KIAA1217: variants seen among roughly 807,000 people sequenced by gnomAD.
KIAA1217 encodes the protein sickle tail protein homolog.
Under a neutral mutation model 163.9 loss-of-function variants are expected in KIAA1217, and 88 were observed. The observed-to-expected ratio is 0.54, with a 90% CI of 0.45 to 0.64. The LOEUF is 0.64. KIAA1217 is among the 30% of genes least tolerant of loss of function. The pLI is 0.00. For synonymous variants in KIAA1217, 903 were observed against 923.1 expected (o/e 0.98, Z 0.39); for missense variants, 2,372 against 2,475.0 (o/e 0.96, Z 0.88).
intron 3 of KIAA1217, among the ~76,000 whole-genome samples, chr10:24,418,132 T>A (rs888980907): frequency 6.6e-6 from 1 of 152,032 alleles, no homozygotes; most frequent in Non-Finnish European, 1.5e-5. Context: ...GCTTTTTTTT[T>A]ATTTTTTGTA....
intron 1 of KIAA1217, among the ~76,000 whole-genome samples, chr10:23,928,671 C>T (rs574263966): frequency 6.6e-6 from 1 of 152,248 alleles, no homozygotes; most frequent in Non-Finnish European, 1.5e-5. Context: ...GTGCTTACTA[C>T]GTGTCATGCC....
intron 1 of KIAA1217, among the ~76,000 whole-genome samples, chr10:23,823,573 T>G (rs1158631603): frequency 6.6e-6 from 1 of 152,144 alleles, no homozygotes; most frequent in Non-Finnish European, 1.5e-5. Flanking sequence ...AAGTCCCTCT[T>G]GCCATGTAAT....
At position 24,065,856 on chromosome 10, in the gene KIAA1217, T is replaced by A. The variant is rs1001255655; in HGVS notation, c.-171+58482T>A. Reference sequence around the variant, plus strand: ...TTGGGTGCATATATATTTAGGATAGTTAGCTCTTCTTGTTGAATTGATCCC... The same window carrying A: ...TTGGGTGCATATATATTTAGGATAGATAGCTCTTCTTGTTGAATTGATCCC... On this transcript the variant is annotated intron_variant, in intron 2 of 18. Transcript: ENST00000376462. Among the ~76,000 whole-genome samples the A allele has an allele frequency of 2.6e-5, 4 of 152,332 alleles. No individual in the cohort carries two copies. The East Asian group carries it at 7.7e-4, about 29-fold the overall frequency.
intron 2 of KIAA1217, among the ~76,000 whole-genome samples, chr10:24,350,173 A>G (rs1051822300): frequency 3.3e-5 from 5 of 152,244 alleles, no homozygotes; most frequent in African/African-American, 1.2e-4. Flanking sequence ...CTTGAGGCAT[A>G]GAAGCCTCAG....
chr10:24,480,003 C>T (rs1168558011), intron 6 of KIAA1217, among the ~76,000 whole-genome samples: 2 of 152,182 alleles, frequency 1.3e-5, no homozygotes, highest in Non-Finnish European at 2.9e-5. Flanking sequence ...TGGGGGATCA[C>T]ATTTCAACAT....
chr10:24,366,617 T>G (rs2050817400), intron 2 of KIAA1217, among the ~76,000 whole-genome samples: 1 of 151,280 alleles, frequency 6.6e-6, no homozygotes, highest in Non-Finnish European at 1.5e-5. Context: ...CCTGCATGTA[T>G]TCACCTTGGG....
At chr10:24,421,511 TTTC>T (rs2058731952) in intron 3 of KIAA1217, among the ~76,000 whole-genome samples, 1 of 152,212 alleles carries the variant, frequency 6.6e-6, no homozygotes, top group Non-Finnish European at 1.5e-5. Flanking sequence ...TTTATTTCTT[TTTC>T]TTATATTCAC....
At chr10:23,905,368 A>T (rs1175373206) in intron 1 of KIAA1217, among the ~76,000 whole-genome samples, 1 of 151,956 alleles carries the variant, frequency 6.6e-6, no homozygotes, top group Non-Finnish European at 1.5e-5. Flanking sequence ...CCTGCCCCAC[A>T]CCCACAGCCG....
chr10:24,146,091 G>A (rs2064296967), intron 2 of KIAA1217, among the ~76,000 whole-genome samples: 1 of 152,124 alleles, frequency 6.6e-6, no homozygotes, highest in South Asian at 2.1e-4. Context: ...TTTTGGCTTT[G>A]TAAGAAACTT....
At chr10:23,869,113 C>A in intron 1 of KIAA1217, among the ~76,000 whole-genome samples, 1 of 115,536 alleles carries the variant, frequency 8.7e-6, no homozygotes, top group Non-Finnish European at 1.6e-5. Context: ...AACGTGCAAT[C>A]ATGAAATGTA....
chr10:23,923,062 A>C (rs1325873911), intron 1 of KIAA1217, among the ~76,000 whole-genome samples: 1 of 152,072 alleles, frequency 6.6e-6, no homozygotes, highest in East Asian at 1.9e-4. Context: ...GGTACACTGT[A>C]CCCAATATGT....
chr10:24,438,824 C>A (rs2060264140), intron 5 of KIAA1217, among the ~76,000 whole-genome samples: 1 of 152,150 alleles, frequency 6.6e-6, no homozygotes, highest in Admixed American at 6.5e-5. Flanking sequence ...CCAATTAAAG[C>A]AAACCTAACA....
intron 2 of KIAA1217, among the ~76,000 whole-genome samples, chr10:24,161,598 A>G (rs560573219): frequency 2.0e-5 from 3 of 152,362 alleles, no homozygotes; most frequent in African/African-American, 7.2e-5. Context: ...GTATAAAGAT[A>G]TAAAGTTATA....
At chr10:23,971,136 G>A (rs1331072907) in intron 1 of KIAA1217, among the ~76,000 whole-genome samples, 1 of 152,184 alleles carries the variant, frequency 6.6e-6, no homozygotes, top group East Asian at 1.9e-4. Flanking sequence ...GTTTTCCCGT[G>A]TGCACAGTGG....
At chr10:23,907,715 C>G (rs1236399693) in intron 1 of KIAA1217, among the ~76,000 whole-genome samples, 2 of 152,092 alleles carry the variant, frequency 1.3e-5, no homozygotes, top group African/African-American at 4.8e-5. Context: ...CCTACCGACT[C>G]AAACGTCAAT....
At chr10:24,292,618 A>G (rs12765104) in intron 2 of KIAA1217, among the ~76,000 whole-genome samples, 1 of 152,174 alleles carries the variant, frequency 6.6e-6, no homozygotes, top group Non-Finnish European at 1.5e-5. Flanking sequence ...GTTGCACTTC[A>G]TATCTACTAT....
intron 2 of KIAA1217, among the ~76,000 whole-genome samples, chr10:24,323,107 G>A (rs2044385169): frequency 7.3e-6 from 1 of 137,038 alleles, no homozygotes; most frequent in Admixed American, 8.1e-5. Flanking sequence ...GAACCACCAT[G>A]CCCAGCTAAT....
At chr10:23,743,102 T>C (rs954044254) in intron 1 of KIAA1217, among the ~76,000 whole-genome samples, 1 of 152,152 alleles carries the variant, frequency 6.6e-6, no homozygotes, top group Non-Finnish European at 1.5e-5. Context: ...AAACACAGAT[T>C]GCTGGGAATT....
In KIAA1217 at chr10:24,438,439, C is replaced by T. The variant is rs371353600; in HGVS notation, c.806C>T (p.Ala269Val). ...LKVYNKDPAH[A>V]FNHTPKTMNG... Reference sequence around the variant, plus strand: ...GTGTACAACAAGGATCCTGCACATGCGTTTAATCACACACCAAAAACTATG... The same window carrying T: ...GTGTACAACAAGGATCCTGCACATGTGTTTAATCACACACCAAAAACTATG... Residue 269 changes from alanine to valine, a missense_variant, in exon 5 of 21, where the codon GCG (alanine) becomes GTG (valine). Around this residue, in one of 3 missense-constraint regions of KIAA1217, gnomAD observed 1,431 missense variants for 1,470.3 expected, o/e 0.97. Transcript: ENST00000376454. The T allele has an allele frequency of 6.8e-6, 11 of 1,613,016 alleles. No homozygotes were observed. Among genetic ancestry groups the T allele is most frequent in the African/African-American group, 2.7e-5 (2 of 74,868 alleles).
Sources: gnomAD v4.1 joint callset for allele counts (sites outside exome capture counted in the v4.1 genomes callset) on GRCh38, gnomAD v4.1.1 for gene constraint, gnomAD v4.1.1 regional missense constraint, MANE v1.5 for transcripts, NCBI Gene and HGNC (gene_info 2026-07-23, HGNC 2026-07-21) for gene names.